The following CAMTA1 variants were observed in gnomAD, a reference collection of about 807,000 sequenced individuals.
CAMTA1 encodes the protein calmodulin binding transcription activator 1, also known as calmodulin-binding transcription activator 1.
A neutral mutation model predicts 170.9 loss-of-function variants in CAMTA1; 27 were observed. That is an observed-to-expected ratio of 0.16 (90% CI 0.12 to 0.22). The LOEUF is 0.22. Ranked by LOEUF, CAMTA1 falls within the 10% of genes least tolerant of loss-of-function variation. The pLI, the probability that CAMTA1 is intolerant of heterozygous loss-of-function variation, is 1.00. For missense variants in CAMTA1, 1,619 were observed against 2,217.2 expected, an observed-to-expected ratio of 0.73 and a Z score of 5.42; for synonymous variants, 833 against 891.5, an observed-to-expected ratio of 0.93 and a Z score of 1.17.
chr1:7,598,833 A>T (rs2095419993), intron 6 of CAMTA1, among the ~76,000 whole-genome samples: 1 of 151,924 alleles, frequency 6.6e-6, no homozygotes, highest in South Asian at 2.1e-4. Flanking sequence ...TAGATTCTGG[A>T]TATTAGCCCT....
chr1:7,706,874 T>C (rs1158162593), intron 11 of CAMTA1, among the ~76,000 whole-genome samples: 2 of 146,766 alleles, frequency 1.4e-5, no homozygotes, highest in African/African-American at 2.5e-5. Context: ...GGATGCATTA[T>C]TTCAGGCTAT....
In CAMTA1 at chr1:7,578,416, C is replaced by T. The variant is rs563792101; in HGVS notation, c.511-61984C>T. On this transcript the variant is annotated intron_variant, in intron 6 of 22. Coordinates refer to ENST00000303635, the MANE Select transcript of CAMTA1 (RefSeq NM_015215.4). ...CGCCAGGCTCTCACAGCAGCTTGCT[C>T]GGGAAGACCCCTTGTTCCCAGGGCA... Among the ~76,000 whole-genome samples the T allele has an allele frequency of 9.2e-5, 14 of 152,306 alleles. No homozygotes were observed. The South Asian group carries it at 1.0e-3, about 11-fold the overall frequency.
chr1:7,264,950 T>C (rs1338095258), intron 5 of CAMTA1, among the ~76,000 whole-genome samples: 1 of 152,192 alleles, frequency 6.6e-6, no homozygotes, highest in Non-Finnish European at 1.5e-5. Flanking sequence ...AGTGAATTAA[T>C]CCAAGCAGCA....
Position 7,732,237 on chromosome 1 carries a change from G to A in CAMTA1, c.2915-211G>A, listed in dbSNP as rs1243251397. ...AAAGAGAATTTCTGGTCTTTTATCC[G>A]AGAACTTCGGGCTGCTGAAGGTGCC... is the stretch of plus-strand genomic sequence containing the variant. On this transcript the variant is annotated intron_variant, in intron 11 of 22. Coordinates refer to ENST00000303635, the MANE Select transcript of CAMTA1 (RefSeq NM_015215.4). This position sits in a 1 kb window ranked among gnomAD's most constrained non-coding sequence, Gnocchi z 4.1. 2.0e-5 allele frequency among the ~76,000 whole-genome samples: 3 copies of A among 152,096 alleles called. No individual in the cohort carries two copies. The highest frequency in any genetic ancestry group is 7.2e-5 in the African/African-American group (3 of 41,394).
At chr1:7,178,321 C>T (rs1651382700) in intron 4 of CAMTA1, among the ~76,000 whole-genome samples, 2 of 152,152 alleles carry the variant, frequency 1.3e-5, no homozygotes, top group African/African-American at 4.8e-5. Flanking sequence ...ACAGTTATCC[C>T]CCGTTTGTCT....
chr1:7,490,377 C>T (rs1182280776), intron 6 of CAMTA1, among the ~76,000 whole-genome samples: 1 of 152,208 alleles, frequency 6.6e-6, no homozygotes, highest in Admixed American at 6.5e-5. Flanking sequence ...ATTGGCCGGG[C>T]GCGATGGCTC....
chr1:6,792,373 G>A (rs1272920037), intron 1 of CAMTA1, among the ~76,000 whole-genome samples: 1 of 150,776 alleles, frequency 6.6e-6, no homozygotes, highest in Non-Finnish European at 1.5e-5. Flanking sequence ...CAGTATGCTA[G>A]CTGTATATTT....
intron 5 of CAMTA1, among the ~76,000 whole-genome samples, chr1:7,319,451 TC>T (rs1397680585): frequency 7.2e-5 from 11 of 152,296 alleles, no homozygotes; most frequent in African/African-American, 2.6e-4. Context: ...AAATGCCTGT[TC>T]CTGCTGTGCC....
intron 1 of CAMTA1, among the ~76,000 whole-genome samples, chr1:6,803,839 C>G (rs919061435): frequency 2.0e-5 from 3 of 152,140 alleles, no homozygotes; most frequent in Non-Finnish European, 2.9e-5. Flanking sequence ...CTCAGACTCC[C>G]AAGTGGTTAG....
At chr1:7,322,029 G>C (rs1028836220) in intron 5 of CAMTA1, among the ~76,000 whole-genome samples, 1 of 152,212 alleles carries the variant, frequency 6.6e-6, no homozygotes, top group East Asian at 1.9e-4. Flanking sequence ...TAGGGGAGGG[G>C]TGGATGCTTC....
rs190088856 is a variant in CAMTA1 at position 7,635,947 on chromosome 1, C to T, written c.511-4453C>T. On this transcript the variant is annotated intron_variant, in intron 6 of 22. Transcript: ENST00000303635. This position sits in a 1 kb window ranked among gnomAD's most constrained non-coding sequence, Gnocchi z 4.4. The stretch of plus-strand genomic sequence containing the variant: ...AGCCCATGTCTGAAAACCAGCCCCA[C>T]GCCAGGAAATCGTTACTACTCAACT... Among the ~76,000 whole-genome samples, 165 of 152,330 alleles carry T rather than the reference C, an allele frequency of 1.1e-3. No homozygotes were observed. The highest frequency in any genetic ancestry group is 3.5e-3 in the African/African-American group (144 of 41,552).
chr1:7,519,895 CCT>C (rs1165483624), intron 6 of CAMTA1, among the ~76,000 whole-genome samples: 3 of 151,530 alleles, frequency 2.0e-5, no homozygotes, highest in Non-Finnish European at 4.4e-5. Context: ...GGCTTCCTCA[CCT>C]CTCTCTTTGA....
At chr1:7,121,012 G>T (rs1401961696) in intron 4 of CAMTA1, among the ~76,000 whole-genome samples, 2 of 152,260 alleles carry the variant, frequency 1.3e-5, no homozygotes, top group Non-Finnish European at 2.9e-5. Context: ...CAACTAAGAA[G>T]AGCCAGCAAT....
intron 4 of CAMTA1, among the ~76,000 whole-genome samples, chr1:7,141,599 G>A (rs1235762944): frequency 6.6e-6 from 1 of 152,216 alleles, no homozygotes; most frequent in Non-Finnish European, 1.5e-5. Context: ...TGGCTAATGA[G>A]CAGTCGTCAG....
intron 5 of CAMTA1, among the ~76,000 whole-genome samples, chr1:7,270,119 T>A (rs564595016): frequency 2.3e-4 from 35 of 151,750 alleles, no homozygotes; most frequent in Admixed American, 2.2e-3. Context: ...AAGACATTTT[T>A]AGACCAAAAA....
rs1480000750 is a variant in CAMTA1 at position 7,410,895 on chromosome 1, GTC to G, written c.439-56933_439-56932del. On this transcript the variant is annotated intron_variant, in intron 5 of 22. Coordinates refer to ENST00000303635, the MANE Select transcript of CAMTA1 (RefSeq NM_015215.4). ...TTCCCAACGTGCATGGAGGGTGGGC[GTC>G]TGTGTGTGTGTGTGTGTGTGTGTGT... 4.9e-3 allele frequency among the ~76,000 whole-genome samples: 159 copies of G among 32,212 alleles called. 1 individual carries two copies. The East Asian group carries it at 0.14, about 29-fold the overall frequency. The allele number at this position is 32,212 out of a possible 152,430, so 21.1% of individuals were successfully genotyped here. A position where few individuals can be genotyped will look rare whatever the true frequency, so the allele number is the denominator to read the frequency against.
chr1:7,273,939 A>G (rs1480959325), intron 5 of CAMTA1, among the ~76,000 whole-genome samples: 1 of 152,200 alleles, frequency 6.6e-6, no homozygotes, highest in Non-Finnish European at 1.5e-5. Flanking sequence ...GAAGATATAT[A>G]TTGCAAATCC....
At chr1:7,043,644 T>C (rs956143208) in intron 3 of CAMTA1, among the ~76,000 whole-genome samples, 3 of 152,204 alleles carry the variant, frequency 2.0e-5, no homozygotes, top group Non-Finnish European at 4.4e-5. Flanking sequence ...CCTTATATGG[T>C]GACGTTTTTC....
chr1:7,750,242 G>T (rs2096886926), intron 19 of CAMTA1, among the ~76,000 whole-genome samples: 1 of 152,204 alleles, frequency 6.6e-6, no homozygotes, highest in Non-Finnish European at 1.5e-5. Context: ...CTTGCAGAAG[G>T]GTCCTGGTTC....
Sources: allele counts gnomAD v4.1 joint callset (sites outside exome capture counted in the v4.1 genomes callset), GRCh38; gene constraint gnomAD v4.1.1; non-coding constraint Gnocchi (gnomAD v3.1); transcripts MANE v1.5; gene names NCBI Gene and HGNC (gene_info 2026-07-23, HGNC 2026-07-21).